NTM: variants seen among roughly 807,000 people sequenced by gnomAD.
NTM encodes the protein neurotrimin.
A neutral mutation model predicts 42.1 loss-of-function variants in NTM; 13 were observed. The observed-to-expected ratio is 0.31, with a 90% CI of 0.20 to 0.49. The LOEUF (loss-of-function observed/expected upper bound fraction) is 0.49, where lower values mean the gene tolerates loss of function less well. Among genes scored for constraint, NTM ranks in the 20% least tolerant of loss-of-function variants. The pLI, the probability that NTM is intolerant of heterozygous loss-of-function variation, is 0.99. For missense variants in NTM, 373 were observed against 452.8 expected (o/e 0.82, Z 1.60); for synonymous variants, 187 against 179.2 (o/e 1.04, Z -0.35).
chr11:131,422,016 A>T (rs1180538084), intron 1 of NTM, among the ~76,000 whole-genome samples: 1 of 152,160 alleles, frequency 6.6e-6, no homozygotes, highest in Non-Finnish European at 1.5e-5. Flanking sequence ...GAATCCGTGG[A>T]TGGAATAACA....
At chr11:131,687,230 C>T (rs1298699023) in intron 1 of NTM, among the ~76,000 whole-genome samples, 8 of 152,240 alleles carry the variant, frequency 5.3e-5, no homozygotes, top group Non-Finnish European at 2.9e-5. Flanking sequence ...CTGCATGAAA[C>T]GTGACAACAC....
At chr11:131,621,496 C>A (rs542242977) in intron 1 of NTM, among the ~76,000 whole-genome samples, 1 of 151,928 alleles carries the variant, frequency 6.6e-6, no homozygotes, top group Non-Finnish European at 1.5e-5. Context: ...TCAAGTGCCA[C>A]CCTGTCAAAG....
intron 1 of NTM, among the ~76,000 whole-genome samples, chr11:131,492,011 T>C (rs1954852481): frequency 6.6e-6 from 1 of 152,248 alleles, no homozygotes; most frequent in South Asian, 2.1e-4. Flanking sequence ...TTGATTGCCA[T>C]ATCCATTTTG....
intron 1 of NTM, chr11:131,582,352 G>T (rs942359079): frequency 5.9e-5 from 9 of 152,142 alleles, no homozygotes; most frequent in Non-Finnish European, 1.2e-4. Flanking sequence ...TCGTCAGCTG[G>T]GCCCTCCCCC....
intron 2 of NTM, among the ~76,000 whole-genome samples, chr11:132,082,042 GA>G (rs1174434204): frequency 2.1e-5 from 3 of 144,642 alleles, no homozygotes; most frequent in Non-Finnish European, 4.5e-5. Context: ...AAAATTCATG[GA>G]AAAATGGAAT....
chr11:131,376,252 G>A (rs1941959826), intron 1 of NTM, among the ~76,000 whole-genome samples: 1 of 152,106 alleles, frequency 6.6e-6, no homozygotes, highest in Admixed American at 6.5e-5. Context: ...TCCATTATTT[G>A]GTATCTCTCA....
chr11:131,593,288 T>A (rs148460052), intron 1 of NTM, among the ~76,000 whole-genome samples: 14 of 152,222 alleles, frequency 9.2e-5, no homozygotes, highest in Middle Eastern at 6.8e-3. Context: ...TGTCTGGAGA[T>A]TACAGGGAGA....
intron 3 of NTM, among the ~76,000 whole-genome samples, chr11:132,179,644 G>A (rs548727082): frequency 4.6e-4 from 70 of 152,292 alleles, no homozygotes; most frequent in Admixed American, 2.1e-3. Context: ...TTTGGAAGAC[G>A]GTTTGAAGAG....
At chr11:132,020,047 C>T (rs1388551520) in intron 2 of NTM, among the ~76,000 whole-genome samples, 3 of 151,856 alleles carry the variant, frequency 2.0e-5, no homozygotes, top group African/African-American at 7.3e-5. Context: ...CCATATTTAC[C>T]CAGTGTTTAA....
chr11:132,309,423 C>T (rs868414950), intron 5 of NTM, among the ~76,000 whole-genome samples: 2 of 152,100 alleles, frequency 1.3e-5, no homozygotes, highest in Non-Finnish European at 2.9e-5. Flanking sequence ...TTGAATAGTT[C>T]GAGGTTATAT....
intron 4 of NTM, among the ~76,000 whole-genome samples, chr11:132,295,108 C>CCT (rs147791924): frequency 4.7e-5 from 7 of 149,132 alleles, no homozygotes; most frequent in South Asian, 4.3e-4. Context: ...TGAATCCAGC[C>CCT]CTCTCTCTCT....
intron 2 of NTM, among the ~76,000 whole-genome samples, chr11:131,995,280 G>C (rs2067784570): frequency 6.6e-6 from 1 of 152,108 alleles, no homozygotes; most frequent in Non-Finnish European, 1.5e-5. Flanking sequence ...CATTCTTTGT[G>C]CCACACAGTG....
At chr11:132,330,398 C>CCTAA (rs2095780509) in intron 8 of NTM, among the ~76,000 whole-genome samples, 2 of 152,280 alleles carry the variant, frequency 1.3e-5, no homozygotes, top group African/African-American at 2.4e-5. Flanking sequence ...CTTGCAGTAG[C>CCTAA]CTAACTTCTC....
chr11:132,312,852 C>T (rs2095319433), intron 6 of NTM: 2 of 153,874 alleles, frequency 1.3e-5, no homozygotes, highest in East Asian at 1.9e-4. Context: ...TAAAAGTGGC[C>T]TGTGGCTGCA....
intron 1 of NTM, among the ~76,000 whole-genome samples, chr11:131,464,118 G>T (rs1951665902): frequency 6.6e-6 from 1 of 152,186 alleles, no homozygotes; most frequent in Non-Finnish European, 1.5e-5. Context: ...AGGGAGGAGG[G>T]TGCAGAGGGG....
intron 4 of NTM, among the ~76,000 whole-genome samples, chr11:132,261,088 G>A (rs577896238): frequency 1.3e-5 from 2 of 152,158 alleles, no homozygotes; most frequent in Non-Finnish European, 2.9e-5. Flanking sequence ...TGAAGGTGAC[G>A]CAGGTCACTC....
intron 1 of NTM, among the ~76,000 whole-genome samples, chr11:131,559,375 A>G (rs2055906795): frequency 6.6e-6 from 1 of 152,208 alleles, no homozygotes; most frequent in African/African-American, 2.4e-5. Context: ...TCTCTGGTAA[A>G]GTGATTAACC....
intron 2 of NTM, among the ~76,000 whole-genome samples, chr11:132,042,201 C>T (rs958725450): frequency 6.6e-6 from 1 of 152,164 alleles, no homozygotes; most frequent in African/African-American, 2.4e-5. Context: ...GGGTCAGAAT[C>T]TAGAGGAGGT....
intron 2 of NTM, among the ~76,000 whole-genome samples, chr11:131,928,237 A>G (rs972514202): frequency 1.3e-5 from 2 of 152,228 alleles, no homozygotes; most frequent in Non-Finnish European, 2.9e-5. Context: ...TTTTCTTTAC[A>G]GCATGGCTAG....
Sources: gnomAD v4.1 joint callset for allele counts (sites outside exome capture counted in the v4.1 genomes callset) on GRCh38, gnomAD v4.1.1 for gene constraint, MANE v1.5 for transcripts, NCBI Gene and HGNC (gene_info 2026-07-23, HGNC 2026-07-21) for gene names.